Variants in RALGDS observed in about 807,000 individuals in gnomAD.
The protein encoded by RALGDS is ral guanine nucleotide exchange factor.
RALGDS carries 44 observed loss-of-function variants against 99.8 expected under a neutral mutation model. The observed-to-expected ratio is 0.44, with a 90% CI of 0.35 to 0.57. RALGDS has a LOEUF of 0.57. Ranked by LOEUF, RALGDS falls within the 20% of genes least tolerant of loss-of-function variation. The probability of loss-of-function intolerance (pLI) is 0.01; values close to 1 mark genes in which losing one functional copy is unlikely to be tolerated. For missense variants in RALGDS, 1,022 were observed against 1,203.1 expected (o/e 0.85, Z 2.23); for synonymous variants, 529 against 505.0 (o/e 1.05, Z -0.64).
chr9:133,103,823 T>C lies in RALGDS; in HGVS notation c.1682A>G (p.Gln561Arg). The C allele has an allele frequency of 6.2e-7, 1 of 1,613,108 alleles. No individual in the cohort carries two copies. ...QKRPKETGII[Q>R]GTVPYLGTFL... ...CGTGCCCAGGTAGGGAACGGTGCCC[T>C]GGATGATGCCCTGTGACATTGGGGT... Residue 561 changes from glutamine (Q) to arginine (R), a missense_variant, in exon 11 of 18, where the codon CAG (glutamine) becomes CGG (arginine). By Grantham distance (43) the Gln-to-Arg change is conservative (BLOSUM62 1). This residue lies in a region of RALGDS where 825 missense variants were observed against 994.5 expected (regional missense o/e 0.83). Transcript: ENST00000372050.
Position 133,101,619 on chromosome 9 carries a change from G to A in RALGDS, c.2355C>T (p.Ser785=). 6.2e-7 allele frequency: 1 copy of A among 1,613,532 alleles called. No homozygotes were observed. The part of the protein sequence containing the change: ...HKRSVSGLCN[S]SSALPLYNQQ... ...GGTTGTAGAGCGGCAGCGCGGAGCT[G>A]GAGTTGCAGAGCCCTGAGACAGAGC... Residue 785 remains serine, a synonymous_variant, in exon 16 of 18, where the codon TCC becomes TCT. Coordinates refer to ENST00000372050, the MANE Select transcript of RALGDS (RefSeq NM_006266.4).
rs553848693 is a variant in RALGDS, at chr9:133,139,926, C to A, written c.18+9037G>T. ...TAAGGAACCCACTTGTCTGGGTCCC[C>A]TGAGGCCAAGCCAGGGCTCCCATCC... On this transcript the variant is annotated intron_variant, in intron 1 of 17. Coordinates refer to the RALGDS transcript ENST00000393160. 1.2e-4 allele frequency among the ~76,000 whole-genome samples: 19 copies of A among 152,242 alleles called. No homozygotes were observed. The East Asian group carries it at 3.3e-3, about 26-fold the overall frequency.
chr9:133,100,076 G>T (rs1318492998), intron 17 of RALGDS, 192 bp downstream of exon 17: 17 of 669,626 alleles, frequency 2.5e-5, no homozygotes, highest in Non-Finnish European at 4.0e-5. Flanking sequence ...CCTAGGGAAG[G>T]GCACACACTG....
chr9:133,144,873 G>A lies in RALGDS; in HGVS notation c.18+4090C>T, dbSNP rs1331856850. Among the ~76,000 whole-genome samples, 2 of 152,232 alleles carry A rather than the reference G, an allele frequency of 1.3e-5. No homozygotes were observed. Among genetic ancestry groups the A allele is most frequent in the South Asian group, 2.1e-4 (1 of 4,832 alleles). On this transcript the variant is annotated intron_variant, in intron 1 of 17. Transcript: ENST00000393160. This position sits in a 1 kb window ranked among gnomAD's most constrained non-coding sequence, Gnocchi z 4.5. ...AATAGGGTCTGTGCGGATAGAATCC[G>A]GATGAGGTCATACTGGATTAGGGTG...
In RALGDS at chr9:133,103,843, TG is replaced by T; in HGVS notation, c.1672-11del. On this transcript the variant is annotated splice_polypyrimidine_tract_variant and intron_variant, in intron 10 of 17. Transcript: ENST00000372050. Reference sequence around the variant, plus strand: ...TGCCCTGGATGATGCCCTGTGACATTGGGGTAGGAGGATGAGCAAGGCCCCT... The same window carrying T: ...TGCCCTGGATGATGCCCTGTGACATTGGGTAGGAGGATGAGCAAGGCCCCT... The T allele has an allele frequency of 1.2e-6, 2 of 1,612,234 alleles. No homozygotes were observed. Among genetic ancestry groups the T allele is most frequent in the Non-Finnish European group, 1.7e-6 (2 of 1,179,256 alleles).
chr9:133,100,155 T>C, intron 17 of RALGDS, 113 bp downstream of exon 17: 1 of 980,356 alleles, frequency 1.0e-6, no homozygotes, highest in Non-Finnish European at 1.7e-6. Flanking sequence ...CTGTCCACAG[T>C]GTCTACCCAC....
chr9:133,119,160 CAG>C (rs1336065319), intron 1 of RALGDS, among the ~76,000 whole-genome samples: 1 of 152,196 alleles, frequency 6.6e-6, no homozygotes, highest in Non-Finnish European at 1.5e-5. Context: ...GGTAGGGAAA[CAG>C]GGATGCGGGG....
At chr9:133,100,888 G>A in intron 16 of RALGDS, 1 of 1,051,602 alleles carries the variant, frequency 9.5e-7, no homozygotes, top group South Asian at 3.3e-5. Context: ...AACCATGCTA[G>A]CTCCTGGCAA....
chr9:133,121,155 G>A lies in RALGDS; in HGVS notation c.-1C>T. ...CCTCGGCCCACATGCGCTGCACCATGGAAGGCTCGCAGCGCGGGCGCGGGG... is the reference window on the plus strand; with the variant it reads ...CCTCGGCCCACATGCGCTGCACCATAGAAGGCTCGCAGCGCGGGCGCGGGG... On this transcript the variant is annotated 5_prime_UTR_variant, in exon 1 of 18. Coordinates refer to ENST00000372050, the MANE Select transcript of RALGDS (RefSeq NM_006266.4). The A allele has an allele frequency of 1.6e-6, 2 of 1,233,112 alleles. No individual in the cohort carries two copies. The highest frequency in any genetic ancestry group is 1.0e-6 in the Non-Finnish European group (1 of 983,252). The allele number at this position is 1,233,112 out of a possible 1,614,324, so 76.4% of individuals were successfully genotyped here. A position where few individuals can be genotyped will look rare whatever the true frequency, so the allele number is the denominator to read the frequency against.
upstream of RALGDS, among the ~76,000 whole-genome samples, chr9:133,124,685 C>T (rs1346482860): frequency 6.6e-6 from 1 of 152,206 alleles, no homozygotes; most frequent in African/African-American, 2.4e-5. Context: ...GCCCTCAGAT[C>T]GGGCGGGCCT....
At chr9:133,098,934 A>T in intron 17 of RALGDS, 172 bp from the exon 18 acceptor site, 1 of 647,498 alleles carries the variant, frequency 1.5e-6, no homozygotes, top group South Asian at 1.8e-5. Context: ...CTGAGGACAG[A>T]CTCTGCTGAG....
rs1220917122 is a variant in RALGDS, at chr9:133,121,201, G to A, written c.-47C>T. On this transcript the variant is annotated 5_prime_UTR_variant, in exon 1 of 18. Transcript: ENST00000372050. Reference sequence around the variant, plus strand: ...CGGGGCCGGCCCGGCGCGCGGCGGGGGCGGCGGCGCGGCCCGCGCGGCTGG... The same window carrying A: ...CGGGGCCGGCCCGGCGCGCGGCGGGAGCGGCGGCGCGGCCCGCGCGGCTGG... 4.5e-6 allele frequency: 4 copies of A among 884,960 alleles called. No homozygotes were observed. Among genetic ancestry groups the A allele is most frequent in the Non-Finnish European group, 5.4e-6 (4 of 740,472 alleles). The allele number at this position is 884,960 out of a possible 1,614,324, so 54.8% of individuals were successfully genotyped here. A position where few individuals can be genotyped will look rare whatever the true frequency, so the allele number is the denominator to read the frequency against.
At position 133,102,837 on chromosome 9, in the gene RALGDS, G is replaced by A. The variant is rs1367778542; in HGVS notation, c.1855C>T (p.Pro619Ser). 1.2e-6 allele frequency: 2 copies of A among 1,613,688 alleles called. No homozygotes were observed. Among genetic ancestry groups the A allele is most frequent in the Non-Finnish European group, 1.7e-6 (2 of 1,179,994 alleles). ...QSACNNYSIA[P>S]DEQFGAWFRA... ...AACCAGGCCCCAAATTGCTCATCTG[G>A]CGCGATGCTGTAGTTGTTGCAGGCC... The change falls in exon 13 of 18, where the codon CCA becomes TCA. Residue 619 changes from proline to serine, a missense_variant. Pro to Ser is a moderately conservative substitution (Grantham distance 74). Coordinates refer to ENST00000372050, the MANE Select transcript of RALGDS (RefSeq NM_006266.4).
upstream of RALGDS, among the ~76,000 whole-genome samples, chr9:133,124,307 C>T (rs555866408): frequency 3.3e-5 from 5 of 152,024 alleles, no homozygotes; most frequent in East Asian, 9.6e-4. Context: ...GACGGAGACA[C>T]ACACACAGAG....
chr9:133,107,420 G>T, intron 6 of RALGDS, 120 bp from the exon 7 acceptor site: 1 of 925,608 alleles, frequency 1.1e-6, no homozygotes, highest in Non-Finnish European at 1.7e-6. Flanking sequence ...TGTCCATGCA[G>T]GGTGCCCAGC....
chr9:133,142,096 C>T (rs1832533238), intron 1 of RALGDS, among the ~76,000 whole-genome samples: 3 of 152,192 alleles, frequency 2.0e-5, no homozygotes. Context: ...ATCCAGGAAG[C>T]GGCCTCTGTT....
chr9:133,098,487 A>G lies in RALGDS; in HGVS notation c.*100T>C. 1 of 1,249,550 alleles carries G rather than the reference A, an allele frequency of 8.0e-7. No individual in the cohort carries two copies. The highest frequency in any genetic ancestry group is 1.2e-6 in the Non-Finnish European group (1 of 869,162). The allele number at this position is 1,249,550 out of a possible 1,614,324, so 77.4% of individuals were successfully genotyped here. A position where few individuals can be genotyped will look rare whatever the true frequency, so the allele number is the denominator to read the frequency against. On this transcript the variant is annotated 3_prime_UTR_variant, in exon 18 of 18. Transcript: ENST00000372050. The stretch of plus-strand genomic sequence containing the variant: ...TCAGGATGAAACTGGAGTCTGGGGT[A>G]CCCTGGGCTGGCAGGTGGGAGGAAG...
At chr9:133,120,227 C>T (rs891995480) in intron 1 of RALGDS, among the ~76,000 whole-genome samples, 1 of 152,146 alleles carries the variant, frequency 6.6e-6, no homozygotes, top group Non-Finnish European at 1.5e-5. Context: ...CTCACCTAGT[C>T]ACCCTCCCCT....
intron 16 of RALGDS, chr9:133,100,815 G>A (rs772837210): frequency 4.6e-6 from 5 of 1,080,892 alleles, no homozygotes; most frequent in Non-Finnish European, 5.6e-6. Context: ...CTGCTACCTT[G>A]ACCCTGAGGG....
Sources: allele counts gnomAD v4.1 joint callset (sites outside exome capture counted in the v4.1 genomes callset), GRCh38; gene constraint gnomAD v4.1.1; regional missense constraint gnomAD v4.1.1; non-coding constraint Gnocchi (gnomAD v3.1); transcripts MANE v1.5; gene names NCBI Gene and HGNC (gene_info 2026-07-23, HGNC 2026-07-21).